The following SZT2 variants were observed in gnomAD, a reference collection of about 807,000 sequenced individuals.
The protein encoded by SZT2 is KICSTOR complex protein SZT2.
SZT2 carries 216 observed loss-of-function variants against 404.2 expected under a neutral mutation model. The ratio of observed to expected loss-of-function variants is 0.53; its 90% confidence interval spans 0.48 to 0.60. The LOEUF is 0.60. SZT2 is among the 20% of genes least tolerant of loss of function. The probability of loss-of-function intolerance (pLI) is 0.00; values close to 1 mark genes in which losing one functional copy is unlikely to be tolerated. For missense variants in SZT2, 3,857 were observed against 4,459.2 expected, an observed-to-expected ratio of 0.86 and a Z score of 3.85; for synonymous variants, 1,693 against 1,749.9, an observed-to-expected ratio of 0.97 and a Z score of 0.81.
intron 51 of SZT2, 152 bp downstream of exon 51, chr1:43,440,200 G>C (rs759424818): frequency 5.6e-6 from 7 of 1,243,834 alleles, no homozygotes; most frequent in Non-Finnish European, 7.8e-6. Flanking sequence ...CCGTGAGCTT[G>C]TCTGGGCATC....
At chr1:43,445,519 G>A in intron 62 of SZT2, 2 of 305,942 alleles carry the variant, frequency 6.5e-6, no homozygotes, top group South Asian at 6.9e-5. Flanking sequence ...CAGCAGCTTT[G>A]CCCTTTCAGA....
intron 15 of SZT2, 128 bp downstream of exon 15, chr1:43,423,444 G>T (rs983260421): frequency 1.1e-6 from 1 of 910,476 alleles, no homozygotes; most frequent in African/African-American, 1.7e-5. Context: ...GGGTATGAGT[G>T]GTACAAAGGT....
Position 43,415,999 on chromosome 1 carries a change from C to G in SZT2, c.670C>G (p.Arg224Gly), listed in dbSNP as rs930525688. The G allele has an allele frequency of 6.3e-7, 1 of 1,598,112 alleles. No individual in the cohort carries two copies. ...CCCAGACTCAGGGGACCTACTGGGC[C>G]GGAAGGTAGGCGTCTCCATGGTGAC... Reference protein sequence around the residue: ...QSPDSGDLLGRKVGVSMVTAD... With the variant: ...QSPDSGDLLGGKVGVSMVTAD... The change falls in exon 6 of 72, where the codon CGG becomes GGG. Residue 224 changes from arginine to glycine, a missense_variant. Transcript: ENST00000634258.
At chr1:43,413,853 T>C (rs980174191) in intron 4 of SZT2, among the ~76,000 whole-genome samples, 2 of 151,990 alleles carry the variant, frequency 1.3e-5, no homozygotes, top group African/African-American at 2.4e-5. Flanking sequence ...GGTACAAAAA[T>C]AGAGTTAGAA....
intron 11 of SZT2, 104 bp downstream of exon 11, chr1:43,421,407 A>G (rs1032114040): frequency 1.6e-5 from 23 of 1,478,258 alleles, no homozygotes; most frequent in South Asian, 7.8e-5. Flanking sequence ...TCTCACGTCT[A>G]AGGCACCTAA....
At position 43,426,601 on chromosome 1, in the gene SZT2, G is replaced by T; in HGVS notation, c.3214+63G>T. ...CCAGCCCTTTTCCCCCACCCTCACA[G>T]GGTGATTTCTGTCTTTGAGTTTTGG... On this transcript the variant is annotated intron_variant, in intron 22 of 71. Coordinates refer to ENST00000634258, the MANE Select transcript of SZT2 (RefSeq NM_001365999.1). This position sits in a 1 kb window ranked among gnomAD's most constrained non-coding sequence, Gnocchi z 4.9. The T allele has an allele frequency of 6.6e-7, 1 of 1,513,854 alleles. No individual in the cohort carries two copies. 93.8% of individuals were successfully genotyped at this position (1,513,854 alleles called of 1,614,324 possible).
chr1:43,427,905 A>G (rs1653374894), intron 26 of SZT2, 98 bp from the exon 27 acceptor site: 4 of 1,299,690 alleles, frequency 3.1e-6, no homozygotes, highest in Non-Finnish European at 3.3e-6. Context: ...TACACTTGAT[A>G]TGTGTCTATA....
At position 43,438,640 on chromosome 1, in the gene SZT2, T is replaced by C; in HGVS notation, c.6509-59T>C. 2.6e-6 allele frequency: 4 copies of C among 1,513,390 alleles called. No homozygotes were observed. The South Asian group carries it at 4.6e-5, about 17-fold the overall frequency. 93.7% of individuals were successfully genotyped at this position (1,513,390 alleles called of 1,614,324 possible). ...TTTGAGTTTGGCATGATAGGGCTGC[T>C]ATGGAGGTAGCTGGATCCTCTACCA... is the stretch of plus-strand genomic sequence containing the variant. On this transcript the variant is annotated intron_variant, in intron 46 of 71. Transcript: ENST00000634258.
rs1655148036 is a variant in SZT2 at position 43,442,272 on chromosome 1, C to G, written c.7878C>G (p.Ala2626=). 6.2e-7 allele frequency: 1 copy of G among 1,612,980 alleles called. No homozygotes were observed. Among genetic ancestry groups the G allele is most frequent in the Non-Finnish European group, 8.5e-7 (1 of 1,179,444 alleles). Reference sequence around the variant, plus strand: ...TGCCCCTCCCCCACCCTGTAGCTGCCAAAGCCATGCAGCGCTTCGAGCCAG... The same window carrying G: ...TGCCCCTCCCCCACCCTGTAGCTGCGAAAGCCATGCAGCGCTTCGAGCCAG... ...LQWRRPTQQA[A]KAMQRFEPGG... The change falls in exon 57 of 72, where the codon GCC becomes GCG. Residue 2626 remains alanine (A), a synonymous_variant. Transcript: ENST00000634258. This position sits in a 1 kb window ranked among gnomAD's most constrained non-coding sequence, Gnocchi z 4.5.
chr1:43,398,732 C>T lies in SZT2; in HGVS notation c.28-4445C>T, dbSNP rs370223505. ...GAGTGTACAATTTGATGGGACTTTTCGATGGGGTGTGGTAGTCAGGAATAA... is the reference window on the plus strand; with the variant it reads ...GAGTGTACAATTTGATGGGACTTTTTGATGGGGTGTGGTAGTCAGGAATAA... On this transcript the variant is annotated intron_variant, in intron 1 of 71. Transcript: ENST00000634258. Among the ~76,000 whole-genome samples the T allele has an allele frequency of 2.0e-4, 30 of 152,208 alleles. 1 individual carries two copies. In the South Asian group the frequency reaches 6.2e-3, roughly 32 times the overall value.
intron 59 of SZT2, 26 bp from the exon 60 acceptor site, chr1:43,443,162 C>T: frequency 1.2e-6 from 2 of 1,614,012 alleles, no homozygotes; most frequent in Non-Finnish European, 1.7e-6. Context: ...ATGCCTGGGG[C>T]TACTACTAAT....
At position 43,427,154 on chromosome 1, in the gene SZT2, G is replaced by A. The variant is rs1358287279; in HGVS notation, c.3408G>A (p.Leu1136=). 8.7e-6 allele frequency: 14 copies of A among 1,614,040 alleles called. No homozygotes were observed. Among genetic ancestry groups the A allele is most frequent in the Admixed American group, 3.3e-5 (2 of 59,992 alleles). The change falls in exon 24 of 72, where the codon CTG becomes CTA. Residue 1136 remains leucine (L), a synonymous_variant. Coordinates refer to ENST00000634258, the MANE Select transcript of SZT2 (RefSeq NM_001365999.1). ...ARLVNPQHVF[L]TFLPATFSDV... ...TTGTGAACCCCCAGCATGTGTTTCTGACTTTTCTCCCAGCTACCTTCTCAG... is the reference window on the plus strand; with the variant it reads ...TTGTGAACCCCCAGCATGTGTTTCTAACTTTTCTCCCAGCTACCTTCTCAG...
At chr1:43,407,836 T>TTC (rs1428157115) in intron 4 of SZT2, among the ~76,000 whole-genome samples, 1 of 144,118 alleles carries the variant, frequency 6.9e-6, no homozygotes, top group East Asian at 2.0e-4. Context: ...CCTTTTTTTT[T>TTC]TTTTTTTTTT....
rs1652997493 is a variant in SZT2 at position 43,425,248 on chromosome 1, G to T, written c.2645+41G>T. The T allele has an allele frequency of 6.2e-7, 1 of 1,609,914 alleles. No homozygotes were observed. The stretch of plus-strand genomic sequence containing the variant: ...TGTGAGGGCCGCCTCTGCAGAGTCA[G>T]CCTTCTCCCCACCATCCCCTAGAGG... On this transcript the variant is annotated intron_variant, in intron 18 of 71. Coordinates refer to ENST00000634258, the MANE Select transcript of SZT2 (RefSeq NM_001365999.1). The surrounding 1 kb of genome is among the most constrained non-coding windows in gnomAD (Gnocchi z 4.3).
In SZT2 at chr1:43,430,056, T is replaced by A. The variant is rs1653672572; in HGVS notation, c.4354T>A (p.Ser1452Thr). 1 of 1,614,134 alleles carries A rather than the reference T, an allele frequency of 6.2e-7. No individual in the cohort carries two copies. Residue 1452 changes from serine to threonine, a missense_variant, in exon 30 of 72, where the codon TCC becomes ACC. Physicochemically the swap from Ser to Thr is moderately conservative, Grantham distance 58. Around this residue, in one of 7 missense-constraint regions of SZT2, gnomAD observed 1,725 missense variants for 1,881.0 expected, o/e 0.92. Coordinates refer to ENST00000634258, the MANE Select transcript of SZT2 (RefSeq NM_001365999.1). The part of the protein sequence containing the change: ...ISRLHFRTVP[S>T]NPHYFFYCPP... ...TCGTCTCCACTTCCGCACAGTGCCT[T>A]CCAATCCCCACTACTTCTTCTATTG...
At position 43,428,557 on chromosome 1, in the gene SZT2, T is replaced by A; in HGVS notation, c.4166+71T>A. ...GTCCCTATAAACAAGGACCTTCCAG[T>A]CCAGGGGAATGACTGTGCAAGGTAG... On this transcript the variant is annotated intron_variant, in intron 28 of 71. Transcript: ENST00000634258. 3.8e-6 allele frequency: 6 copies of A among 1,560,562 alleles called. No homozygotes were observed. In the Middle Eastern group the frequency reaches 7.5e-4, roughly 196 times the overall value.
chr1:43,432,130 C>T, intron 36 of SZT2, 142 bp from the exon 37 acceptor site: 2 of 1,126,526 alleles, frequency 1.8e-6, no homozygotes, highest in Non-Finnish European at 2.6e-6. Flanking sequence ...AGGCAAGTCA[C>T]TGAATCTTTT....
At chr1:43,398,387 A>G (rs1649255246) in intron 1 of SZT2, among the ~76,000 whole-genome samples, 2 of 152,192 alleles carry the variant, frequency 1.3e-5, no homozygotes, top group South Asian at 4.1e-4. Context: ...TGATAAACAA[A>G]TGACTGCTGA....
In SZT2 at chr1:43,425,797, G is replaced by A; in HGVS notation, c.2815-38G>A. Reference sequence around the variant, plus strand: ...TGGAACCCAGGGTATCCTGGGCTAAGAGGGGTTGACTCCTGACCTCTGATG... The same window carrying A: ...TGGAACCCAGGGTATCCTGGGCTAAAAGGGGTTGACTCCTGACCTCTGATG... On this transcript the variant is annotated intron_variant, in intron 19 of 71. Coordinates refer to ENST00000634258, the MANE Select transcript of SZT2 (RefSeq NM_001365999.1). This position sits in a 1 kb window ranked among gnomAD's most constrained non-coding sequence, Gnocchi z 4.3. 6.2e-7 allele frequency: 1 copy of A among 1,605,248 alleles called. No individual in the cohort carries two copies. Among genetic ancestry groups the A allele is most frequent in the Non-Finnish European group, 8.5e-7 (1 of 1,172,708 alleles).
Sources: gnomAD v4.1 joint callset for allele counts (sites outside exome capture counted in the v4.1 genomes callset) on GRCh38, gnomAD v4.1.1 for gene constraint, gnomAD v4.1.1 regional missense constraint, Gnocchi (gnomAD v3.1) non-coding constraint, MANE v1.5 for transcripts, NCBI Gene and HGNC (gene_info 2026-07-23, HGNC 2026-07-21) for gene names.